The following URI1 variants were observed in gnomAD, a reference collection of about 807,000 sequenced individuals.
URI1 encodes URI1 prefoldin like chaperone.
A neutral mutation model predicts 60.2 loss-of-function variants in URI1; 39 were observed. The observed-to-expected ratio is 0.65, with a 90% CI of 0.50 to 0.85. The LOEUF (loss-of-function observed/expected upper bound fraction) is 0.85, where lower values mean the gene tolerates loss of function less well. Ranked by LOEUF, URI1 falls within the 40% of genes least tolerant of loss-of-function variation. URI1 has a pLI of 0.00. For synonymous variants in URI1, 251 were observed against 236.8 expected, an observed-to-expected ratio of 1.06 and a Z score of -0.55; for missense variants, 691 against 665.9, an observed-to-expected ratio of 1.04 and a Z score of -0.42.
At chr19:29,926,636 T>G (rs1050101106) in intron 1 of URI1, among the ~76,000 whole-genome samples, 1 of 152,212 alleles carries the variant, frequency 6.6e-6, no homozygotes, top group African/African-American at 2.4e-5. Flanking sequence ...TTGCTCACTT[T>G]GTGAAAATTC....
rs567820898 is a variant in URI1 at position 29,936,036 on chromosome 19, T to G, written c.63+12282T>G. 2.0e-5 allele frequency among the ~76,000 whole-genome samples: 3 copies of G among 152,302 alleles called. No homozygotes were observed. In the South Asian group the frequency reaches 6.2e-4, roughly 32 times the overall value. ...TGCCTGACCTCATGATCCACCTGCC[T>G]TGGCCTCCCAAAGTGCTGGGATTAT... On this transcript the variant is annotated intron_variant, in intron 1 of 10. Coordinates refer to the URI1 transcript ENST00000360605.
chr19:29,930,375 T>C (rs1487653799), intron 1 of URI1, among the ~76,000 whole-genome samples: 1 of 152,164 alleles, frequency 6.6e-6, no homozygotes, highest in African/African-American at 2.4e-5. Flanking sequence ...GCCCCTATGG[T>C]TTCTTCTGTG....
At chr19:29,985,364 C>A (rs909150760) in intron 3 of URI1, 63 bp downstream of exon 3, 3 of 1,391,440 alleles carry the variant, frequency 2.2e-6, no homozygotes, top group African/African-American at 1.4e-5. Flanking sequence ...AACTATGTGT[C>A]GGTTCACAGA....
rs546211496 is a variant in URI1, at chr19:29,932,325, A to T, written c.63+8571A>T. On this transcript the variant is annotated intron_variant, in intron 1 of 10. Transcript: ENST00000360605. Reference sequence around the variant, plus strand: ...GATTATGATGATGATGATGATTATTATTATTATTTGAGACACAGTCTTGGT... The same window carrying T: ...GATTATGATGATGATGATGATTATTTTTATTATTTGAGACACAGTCTTGGT... Among the ~76,000 whole-genome samples, 9 of 151,878 alleles carry T rather than the reference A, an allele frequency of 5.9e-5. 1 individual carries two copies. In the South Asian group the frequency reaches 1.9e-3, roughly 32 times the overall value.
chr19:29,936,558 C>T lies in URI1; in HGVS notation c.63+12804C>T, dbSNP rs140717034. Among the ~76,000 whole-genome samples the T allele has an allele frequency of 2.0e-4, 31 of 152,266 alleles. No homozygotes were observed. In the East Asian group the frequency reaches 3.5e-3, roughly 17 times the overall value. ...TTTCAGTATGAATCTCTGAGTTTCTCGCGCTTGTAATTTGTTAAGCTTCTT... is the reference window on the plus strand; with the variant it reads ...TTTCAGTATGAATCTCTGAGTTTCTTGCGCTTGTAATTTGTTAAGCTTCTT... On this transcript the variant is annotated intron_variant, in intron 1 of 10. Transcript: ENST00000360605.
chr19:29,976,659 G>A (rs115399825), intron 2 of URI1, among the ~76,000 whole-genome samples: 108 of 152,312 alleles, frequency 7.1e-4, no homozygotes, highest in African/African-American at 2.4e-3. Context: ...GGAAGTCTCC[G>A]TCCTTTATGT....
At chr19:29,984,870 C>T (rs35388169) in intron 2 of URI1, among the ~76,000 whole-genome samples, 1 of 151,828 alleles carries the variant, frequency 6.6e-6, no homozygotes, top group African/African-American at 2.4e-5. Context: ...GCCTGTAACT[C>T]TAGCACTTCA....
At chr19:29,978,399 G>A (rs771130262) in intron 2 of URI1, among the ~76,000 whole-genome samples, 16 of 152,176 alleles carry the variant, frequency 1.1e-4, no homozygotes, top group Non-Finnish European at 1.6e-4. Flanking sequence ...AAAGGGCTTA[G>A]GGCTTACTGC....
chr19:29,925,291 C>T (rs1410698867), intron 1 of URI1, among the ~76,000 whole-genome samples: 1 of 152,164 alleles, frequency 6.6e-6, no homozygotes, highest in Non-Finnish European at 1.5e-5. Context: ...ATTGAGAGTT[C>T]CTTTTGGGCA....
intron 1 of URI1, among the ~76,000 whole-genome samples, chr19:29,949,377 C>T (rs2055147805): frequency 6.6e-6 from 1 of 151,634 alleles, no homozygotes; most frequent in African/African-American, 2.4e-5. Flanking sequence ...ACGCTCCTCA[C>T]TTCCTAGACG....
At position 29,951,148 on chromosome 19, in the gene URI1, T is replaced by G. The variant is rs183597673; in HGVS notation, c.117+8484T>G. Among the ~76,000 whole-genome samples, 8 of 152,278 alleles carry G rather than the reference T, an allele frequency of 5.3e-5. No individual in the cohort carries two copies. In the East Asian group the frequency reaches 1.5e-3, roughly 29 times the overall value. ...TACATAGATGATGATGACTTTCCAT[T>G]GCATCACATCAGGAGACACATAATG... On this transcript the variant is annotated intron_variant, in intron 1 of 10. Coordinates refer to ENST00000392271, the MANE Select transcript of URI1 (RefSeq NM_003796.3).
chr19:29,975,443 A>T (rs2055508504), intron 2 of URI1, among the ~76,000 whole-genome samples: 1 of 151,368 alleles, frequency 6.6e-6, no homozygotes, highest in Admixed American at 6.6e-5. Context: ...GTATGAAAGG[A>T]TGTAAATGAT....
chr19:29,970,128 ATTTTTTT>A (rs199739403), intron 1 of URI1, among the ~76,000 whole-genome samples: 1,568 of 74,474 alleles, frequency 0.021, 15 homozygotes, highest in Non-Finnish European at 0.031. Context: ...AATCGTGTGT[ATTTTTTT>A]TTTTTTTTTT....
intron 1 of URI1, among the ~76,000 whole-genome samples, chr19:29,929,867 T>C (rs1309201408): frequency 2.0e-5 from 3 of 151,794 alleles, no homozygotes; most frequent in Non-Finnish European, 2.9e-5. Context: ...TAAACCCTTA[T>C]ATATAAGATA....
upstream of URI1, among the ~76,000 whole-genome samples, chr19:29,938,980 AT>A (rs33973351): frequency 1.4e-5 from 2 of 142,190 alleles, no homozygotes; most frequent in Admixed American, 7.0e-5. Flanking sequence ...CTGGCCTACC[AT>A]TTTTTTTTTT....
chr19:29,961,678 T>G (rs1236495141), intron 1 of URI1, among the ~76,000 whole-genome samples: 1,878 of 148,422 alleles, frequency 0.013, 36 homozygotes, highest in African/African-American at 0.043. Flanking sequence ...TTTTTTTGTT[T>G]TTTTTTTTTT....
chr19:29,953,112 G>C (rs535805869), intron 1 of URI1, among the ~76,000 whole-genome samples: 2 of 152,230 alleles, frequency 1.3e-5, no homozygotes, highest in East Asian at 3.9e-4. Flanking sequence ...TCATCTGAAG[G>C]CTCATAATCT....
chr19:29,999,328 C>T (rs2055850069), intron 4 of URI1, among the ~76,000 whole-genome samples: 1 of 152,084 alleles, frequency 6.6e-6, no homozygotes, highest in South Asian at 2.1e-4. Context: ...GAAGAACTTC[C>T]TTTAGCATTT....
At chr19:29,996,246 A>T (rs1183568479) in intron 4 of URI1, among the ~76,000 whole-genome samples, 1 of 152,114 alleles carries the variant, frequency 6.6e-6, no homozygotes, top group East Asian at 1.9e-4. Context: ...TGAACATAGG[A>T]TATCTATTTA....
Sources: allele counts gnomAD v4.1 joint callset (sites outside exome capture counted in the v4.1 genomes callset), GRCh38; gene constraint gnomAD v4.1.1; transcripts MANE v1.5; gene names NCBI Gene and HGNC (gene_info 2026-07-23, HGNC 2026-07-21).